The following CENATAC variants were observed in gnomAD, a reference collection of about 807,000 sequenced individuals.
CENATAC encodes the protein centrosomal AT-AC splicing factor.
Under a neutral mutation model 53.7 loss-of-function variants are expected in CENATAC, and 53 were observed. That is an observed-to-expected ratio of 0.99 (90% CI 0.79 to 1.24). The LOEUF is 1.24. Ranked by LOEUF, CENATAC falls within the 50% of genes most tolerant of loss-of-function variation. CENATAC has a pLI of 0.00. For missense variants in CENATAC, 474 were observed against 417.8 expected, an observed-to-expected ratio of 1.13 and a Z score of -1.17; for synonymous variants, 156 against 144.6, an observed-to-expected ratio of 1.08 and a Z score of -0.57.
chr11:119,009,101 G>A (rs1297551662), intron 3 of CENATAC, among the ~76,000 whole-genome samples: 1 of 152,074 alleles, frequency 6.6e-6, no homozygotes. Context: ...TAGACACAGT[G>A]ACAGTCTGAT....
Position 119,013,235 on chromosome 11 carries a change from AT to A in CENATAC, c.689del (p.Ile230AsnfsTer16). 1 of 1,608,772 alleles carries A rather than the reference AT, an allele frequency of 6.2e-7. No individual in the cohort carries two copies. Among genetic ancestry groups the A allele is most frequent in the South Asian group, 1.1e-5 (1 of 90,296 alleles). The part of the protein sequence containing the change: ...PSLTFIGHQD[I>X]PGVGNIHSGA... ...TTTTTCCCATTTCCAACTACAGGAT[AT>A]ACCAGGAGTTGGTAACATCCACTCA... On this transcript the variant is annotated frameshift_variant, in exon 8 of 11. Coordinates refer to ENST00000334418, the MANE Select transcript of CENATAC (RefSeq NM_198489.3). LOFTEE classifies it high-confidence loss of function.
chr11:119,015,020 G>A lies in CENATAC; in HGVS notation c.742G>A (p.Asp248Asn), dbSNP rs1226508896. 6.2e-6 allele frequency: 10 copies of A among 1,602,090 alleles called. No individual in the cohort carries two copies. Among genetic ancestry groups the A allele is most frequent in the South Asian group, 1.1e-5 (1 of 89,786 alleles). The change falls in exon 9 of 11, where the codon GAT becomes AAT. Residue 248 changes from aspartate (D) to asparagine (N), a missense_variant. Coordinates refer to ENST00000334418, the MANE Select transcript of CENATAC (RefSeq NM_198489.3). ...SGATPPWMIQ[D>N]EEYIAGNQEI... The stretch of plus-strand genomic sequence containing the variant: ...TGCCACACCTCCCTGGATGATCCAA[G>A]ATGAAGAATACATTGCTGGGAACCA...
chr11:119,010,518 A>G (rs1942817335), intron 3 of CENATAC: 1 of 501,930 alleles, frequency 2.0e-6, no homozygotes, highest in African/African-American at 1.9e-5. Context: ...ATGTGTGTTG[A>G]AAATAGGGTT....
Position 118,998,411 on chromosome 11 carries a change from C to T in CENATAC, c.121-19C>T. On this transcript the variant is annotated intron_variant, in intron 1 of 10. Transcript: ENST00000334418. ...TTTGGGGGTCCCCCTCGGGGTTCTACTTGGCCTCTCTGCGGCAGGTGGAGG... is the reference window on the plus strand; with the variant it reads ...TTTGGGGGTCCCCCTCGGGGTTCTATTTGGCCTCTCTGCGGCAGGTGGAGG... 6.2e-7 allele frequency: 1 copy of T among 1,612,758 alleles called. No individual in the cohort carries two copies. The highest frequency in any genetic ancestry group is 8.5e-7 in the Non-Finnish European group (1 of 1,179,756).
chr11:119,000,994 CA>C (rs1942267173), intron 3 of CENATAC, among the ~76,000 whole-genome samples: 2 of 152,124 alleles, frequency 1.3e-5, no homozygotes, highest in South Asian at 4.1e-4. Flanking sequence ...ACATATCAAA[CA>C]ATTCAGCTTT....
intron 3 of CENATAC, among the ~76,000 whole-genome samples, chr11:119,006,623 C>A (rs1311220339): frequency 6.6e-6 from 1 of 152,222 alleles, no homozygotes; most frequent in African/African-American, 2.4e-5. Context: ...CCCGCCTCGG[C>A]CTCCCAAAGT....
Position 119,015,448 on chromosome 11 carries a change from G to C in CENATAC, c.938+9G>C. 6.2e-7 allele frequency: 1 copy of C among 1,613,960 alleles called. No homozygotes were observed. The highest frequency in any genetic ancestry group is 8.5e-7 in the Non-Finnish European group (1 of 1,179,834). ...CGCCGCTGGCAGTCCAGGTATGTGT[G>C]TTCAGTGCCGGGTCTCCAACCTACC... On this transcript the variant is annotated intron_variant, in intron 10 of 10. Transcript: ENST00000334418.
chr11:119,003,621 C>CTTTTTT (rs138779092), intron 3 of CENATAC: 12 of 129,082 alleles, frequency 9.3e-5, no homozygotes, highest in East Asian at 2.3e-4. Flanking sequence ...ATTTCTCTCT[C>CTTTTTT]TTTTTTTTTT....
At chr11:119,006,754 T>C (rs931951335) in intron 3 of CENATAC, among the ~76,000 whole-genome samples, 3 of 152,374 alleles carry the variant, frequency 2.0e-5, no homozygotes, top group Non-Finnish European at 4.4e-5. Context: ...TTTTTTTGAC[T>C]GTAGCTCCCA....
chr11:118,998,236 C>G lies in CENATAC; in HGVS notation c.39C>G (p.Thr13=), dbSNP rs782077214. The change falls in exon 1 of 11, where the codon ACC becomes ACG. Residue 13 remains threonine, a synonymous_variant. Coordinates refer to ENST00000334418, the MANE Select transcript of CENATAC (RefSeq NM_198489.3). Reference sequence around the variant, plus strand: ...AGCGCTGCCCTCTGTGCCGCCAGACCTTCTTCTGTGGTCGCGGGCACGTTT... The same window carrying G: ...AGCGCTGCCCTCTGTGCCGCCAGACGTTCTTCTGTGGTCGCGGGCACGTTT... ...PAQRCPLCRQ[T]FFCGRGHVYS... 2 of 1,586,892 alleles carry G rather than the reference C, an allele frequency of 1.3e-6. No individual in the cohort carries two copies. The highest frequency in any genetic ancestry group is 1.7e-6 in the Non-Finnish European group (2 of 1,166,832).
At chr11:119,001,422 TGCTTTGTCACCCAGGGTGGA>T (rs1028576301) in intron 3 of CENATAC, among the ~76,000 whole-genome samples, 12 of 152,112 alleles carry the variant, frequency 7.9e-5, no homozygotes, top group African/African-American at 2.7e-4. Context: ...GAGGGAGTTT[TGCTTTGTCACCCAGGGTGGA>T]GTACAGTGGT....
chr11:119,013,358 C>A, intron 8 of CENATAC, 96 bp downstream of exon 8: 2 of 867,772 alleles, frequency 2.3e-6, no homozygotes, highest in Non-Finnish European at 3.6e-6. Context: ...TGCAGTGGCG[C>A]AATCTCAGCT....
chr11:119,006,706 A>T (rs1320121367), intron 3 of CENATAC, among the ~76,000 whole-genome samples: 2 of 152,168 alleles, frequency 1.3e-5, no homozygotes, highest in Non-Finnish European at 2.9e-5. Flanking sequence ...GTCATTCATC[A>T]ACCTCTGTGA....
rs782804370 is a variant in CENATAC, at chr11:118,998,270, A to C, written c.73A>C (p.Lys25Gln). 2.5e-6 allele frequency: 4 copies of C among 1,597,560 alleles called. No homozygotes were observed. The highest frequency in any genetic ancestry group is 1.7e-4 in the Middle Eastern group (1 of 6,058). The part of the protein sequence containing the change: ...FCGRGHVYSR[K>Q]HQRQLKEALE... Reference sequence around the variant, plus strand: ...TGGTCGCGGGCACGTTTACAGCCGCAAGCACCAGCGGCAGCTGAAGGAGGC... The same window carrying C: ...TGGTCGCGGGCACGTTTACAGCCGCCAGCACCAGCGGCAGCTGAAGGAGGC... Residue 25 changes from lysine to glutamine, a missense_variant, in exon 1 of 11, where the codon AAG becomes CAG. Coordinates refer to ENST00000334418, the MANE Select transcript of CENATAC (RefSeq NM_198489.3).
In CENATAC at chr11:119,015,343, G is replaced by A. The variant is rs371758182; in HGVS notation, c.842G>A (p.Arg281Gln). The A allele has an allele frequency of 2.5e-5, 41 of 1,613,902 alleles. No homozygotes were observed. The highest frequency in any genetic ancestry group is 1.8e-4 in the Admixed American group (11 of 59,944). ...KQKLKKLPPD[R>Q]VGANFDHSSR... ...AAGTTGAAAAAACTCCCCCCAGACC[G>A]AGTTGGGGCCAACTTTGATCACAGC... The change falls in exon 10 of 11, where the codon CGA becomes CAA. Residue 281 changes from arginine (R) to glutamine (Q), a missense_variant. By Grantham distance (43) the Arg-to-Gln change is conservative (BLOSUM62 1). Coordinates refer to ENST00000334418, the MANE Select transcript of CENATAC (RefSeq NM_198489.3).
chr11:119,004,070 TA>T (rs1204680877), intron 3 of CENATAC, among the ~76,000 whole-genome samples: 1 of 152,232 alleles, frequency 6.6e-6, no homozygotes, highest in East Asian at 1.9e-4. Flanking sequence ...AATGTTACAA[TA>T]CTGCCTATTG....
Position 118,998,190 on chromosome 11 carries a change from C to G in CENATAC, c.-8C>G. On this transcript the variant is annotated 5_prime_UTR_variant, in exon 1 of 11. Coordinates refer to ENST00000334418, the MANE Select transcript of CENATAC (RefSeq NM_198489.3). Reference sequence around the variant, plus strand: ...CCGCTGGTGGTGGTGATACCGGGTACCCGGGCTATGGCGCCGGCGCAGCGC... The same window carrying G: ...CCGCTGGTGGTGGTGATACCGGGTAGCCGGGCTATGGCGCCGGCGCAGCGC... 1 of 1,576,530 alleles carries G rather than the reference C, an allele frequency of 6.3e-7. No homozygotes were observed. Among genetic ancestry groups the G allele is most frequent in the South Asian group, 1.2e-5 (1 of 86,590 alleles).
At position 119,015,457 on chromosome 11, in the gene CENATAC, C is replaced by A. The variant is rs375095765; in HGVS notation, c.938+18C>A. ...CAGTCCAGGTATGTGTGTTCAGTGC[C>A]GGGTCTCCAACCTACCCATCCAACC... On this transcript the variant is annotated intron_variant, in intron 10 of 10. Transcript: ENST00000334418. 6.2e-7 allele frequency: 1 copy of A among 1,613,686 alleles called. No homozygotes were observed. The highest frequency in any genetic ancestry group is 8.5e-7 in the Non-Finnish European group (1 of 1,179,756).
intron 7 of CENATAC, 149 bp from the exon 8 acceptor site, chr11:119,013,083 T>A: frequency 1.6e-6 from 1 of 609,794 alleles, no homozygotes; most frequent in South Asian, 2.2e-5. Context: ...GCTTTCAAAG[T>A]TTAACATCAG....
Sources: gnomAD v4.1 joint callset for allele counts (sites outside exome capture counted in the v4.1 genomes callset) on GRCh38, gnomAD v4.1.1 for gene constraint, MANE v1.5 for transcripts, NCBI Gene and HGNC (gene_info 2026-07-23, HGNC 2026-07-21) for gene names.